Variants in PLPPR1 observed in about 807,000 individuals in gnomAD.
The protein encoded by PLPPR1 is phospholipid phosphatase-related protein type 1.
A neutral mutation model predicts 33.1 loss-of-function variants in PLPPR1; 10 were observed. The observed-to-expected ratio is 0.30, with a 90% CI of 0.19 to 0.51. The LOEUF is 0.51. Ranked by LOEUF, PLPPR1 falls within the 20% of genes least tolerant of loss-of-function variation. The probability of loss-of-function intolerance (pLI) is 0.97; values close to 1 mark genes in which losing one functional copy is unlikely to be tolerated. For missense variants in PLPPR1, 304 were observed against 408.1 expected (o/e 0.74, Z 2.20); for synonymous variants, 151 against 151.0 (o/e 1.00, Z 0.00).
intron 1 of PLPPR1, among the ~76,000 whole-genome samples, chr9:101,145,089 C>T (rs1034766450): frequency 2.0e-5 from 3 of 152,056 alleles, no homozygotes; most frequent in East Asian, 3.9e-4. Flanking sequence ...CTGTAACTCA[C>T]AGAAGCAGAA....
intron 1 of PLPPR1, among the ~76,000 whole-genome samples, chr9:101,119,162 G>T (rs117890749): frequency 0.01 from 1,564 of 152,140 alleles, 10 homozygotes; most frequent in Middle Eastern, 0.02. Flanking sequence ...CCATGTTCTT[G>T]TCCACAGAGG....
At chr9:101,136,830 G>C (rs1831383266) in intron 1 of PLPPR1, among the ~76,000 whole-genome samples, 1 of 152,096 alleles carries the variant, frequency 6.6e-6, no homozygotes, top group African/African-American at 2.4e-5. Flanking sequence ...CAGTGGACAG[G>C]GGTGAGAGAT....
chr9:101,230,138 A>G (rs749036987), intron 2 of PLPPR1, among the ~76,000 whole-genome samples: 1 of 152,158 alleles, frequency 6.6e-6, no homozygotes, highest in Non-Finnish European at 1.5e-5. Flanking sequence ...GAAAAGGAAA[A>G]TCCAGACATA....
At chr9:101,260,249 T>C (rs1588099787) in intron 2 of PLPPR1, among the ~76,000 whole-genome samples, 2 of 152,104 alleles carry the variant, frequency 1.3e-5, no homozygotes, top group Admixed American at 1.3e-4. Flanking sequence ...ATTCAGCCCA[T>C]ACAAAGTAAT....
intron 1 of PLPPR1, among the ~76,000 whole-genome samples, chr9:101,057,770 C>T (rs1830295218): frequency 6.6e-6 from 1 of 152,138 alleles, no homozygotes; most frequent in South Asian, 2.1e-4. Context: ...GAAGAACATG[C>T]TTTAACCACT....
intron 1 of PLPPR1, among the ~76,000 whole-genome samples, chr9:101,123,073 C>T (rs570007892): frequency 2.6e-5 from 4 of 152,314 alleles, no homozygotes; most frequent in African/African-American, 9.6e-5. Flanking sequence ...TTCTCAAGGT[C>T]TTTGTTATAG....
intron 1 of PLPPR1, among the ~76,000 whole-genome samples, chr9:101,129,320 AAAT>A (rs1339923639): frequency 1.4e-5 from 2 of 147,730 alleles, no homozygotes; most frequent in Non-Finnish European, 3.1e-5. Context: ...CTAAAAAAAA[AAAT>A]GTTACCCATG....
At chr9:101,115,215 C>G (rs1831104416) in intron 1 of PLPPR1, among the ~76,000 whole-genome samples, 1 of 152,214 alleles carries the variant, frequency 6.6e-6, no homozygotes, top group Non-Finnish European at 1.5e-5. Flanking sequence ...AGATGGCTTT[C>G]TTCTTTCCAA....
chr9:101,118,990 G>C (rs1329820471), intron 1 of PLPPR1, among the ~76,000 whole-genome samples: 1 of 152,072 alleles, frequency 6.6e-6, no homozygotes, highest in East Asian at 1.9e-4. Context: ...GTTTCTAGAA[G>C]CTCCTGAAGG....
At chr9:101,058,798 A>G (rs1234032515) in intron 1 of PLPPR1, among the ~76,000 whole-genome samples, 1 of 152,198 alleles carries the variant, frequency 6.6e-6, no homozygotes, top group African/African-American at 2.4e-5. Context: ...GTTCCAAAGC[A>G]TTATACTAAG....
intron 1 of PLPPR1, among the ~76,000 whole-genome samples, chr9:101,096,607 A>C (rs2118543233): frequency 6.6e-6 from 1 of 152,328 alleles, no homozygotes; most frequent in East Asian, 1.9e-4. Context: ...CATTTAAATG[A>C]GCGTTGTTAA....
intron 1 of PLPPR1, among the ~76,000 whole-genome samples, chr9:101,136,871 G>C (rs986969528): frequency 6.6e-6 from 1 of 152,096 alleles, no homozygotes; most frequent in Non-Finnish European, 1.5e-5. Flanking sequence ...TAAAAATATA[G>C]TTACATAGAA....
intron 2 of PLPPR1, among the ~76,000 whole-genome samples, chr9:101,192,530 AG>A (rs559164082): frequency 3.9e-5 from 6 of 152,186 alleles, no homozygotes; most frequent in African/African-American, 1.4e-4. Context: ...GGGAACTTCA[AG>A]GGGGGAAAAA....
intron 2 of PLPPR1, among the ~76,000 whole-genome samples, chr9:101,243,166 C>A (rs1564013704): frequency 6.6e-6 from 1 of 151,996 alleles, no homozygotes; most frequent in Non-Finnish European, 1.5e-5. Flanking sequence ...TGGATATTTG[C>A]AGGCGACAGC....
chr9:101,220,027 G>A (rs1826895992), intron 2 of PLPPR1, among the ~76,000 whole-genome samples: 1 of 152,168 alleles, frequency 6.6e-6, no homozygotes, highest in Admixed American at 6.5e-5. Flanking sequence ...ATCAGTAGAT[G>A]TGTTCTCTAG....
chr9:101,191,856 G>T (rs1397888062), intron 2 of PLPPR1, among the ~76,000 whole-genome samples: 1 of 152,122 alleles, frequency 6.6e-6, no homozygotes, highest in African/African-American at 2.4e-5. Flanking sequence ...TTAAGTACCA[G>T]GAATTGGACA....
chr9:101,308,730 A>G (rs1828900012), intron 4 of PLPPR1, among the ~76,000 whole-genome samples: 1 of 151,738 alleles, frequency 6.6e-6, no homozygotes, highest in Admixed American at 6.5e-5. Flanking sequence ...GATGATTTAC[A>G]TTTCCAAGTA....
At chr9:101,268,280 G>GAA (rs369534800) in intron 2 of PLPPR1, among the ~76,000 whole-genome samples, 1 of 144,076 alleles carries the variant, frequency 6.9e-6, no homozygotes, top group African/African-American at 2.5e-5. Context: ...TCTTTGATGT[G>GAA]AAAAAAAAAA....
intron 1 of PLPPR1, among the ~76,000 whole-genome samples, chr9:101,118,564 T>G (rs1210770677): frequency 2.6e-5 from 4 of 152,176 alleles, no homozygotes; most frequent in Non-Finnish European, 5.9e-5. Context: ...GAATTTCAGT[T>G]GGACCAGCAG....
Sources: allele counts gnomAD v4.1 joint callset (sites outside exome capture counted in the v4.1 genomes callset), GRCh38; gene constraint gnomAD v4.1.1; transcripts MANE v1.5; gene names NCBI Gene and HGNC (gene_info 2026-07-23, HGNC 2026-07-21).